The following NTSR1 variants were observed in gnomAD, a reference collection of about 807,000 sequenced individuals.
NTSR1 encodes neurotensin receptor type 1.
A neutral mutation model predicts 31.2 loss-of-function variants in NTSR1; 29 were observed. The observed-to-expected ratio is 0.93, with a 90% confidence interval of 0.69 to 1.27. The LOEUF is 1.27. Among genes scored for constraint, NTSR1 ranks in the 50% most tolerant of loss-of-function variants. The pLI is 0.00. For synonymous variants in NTSR1, 282 were observed against 269.9 expected, an observed-to-expected ratio of 1.04 and a Z score of -0.44; for missense variants, 697 against 595.4, an observed-to-expected ratio of 1.17 and a Z score of -1.78.
intron 1 of NTSR1, among the ~76,000 whole-genome samples, chr20:62,747,982 C>G (rs944773906): frequency 6.6e-6 from 1 of 152,138 alleles, no homozygotes; most frequent in African/African-American, 2.4e-5. Context: ...TTGAAACCAG[C>G]CTGGCCAACA....
chr20:62,709,300 G>A lies in NTSR1; in HGVS notation c.93G>A (p.Leu31=). ...RAQAGLEEAL[L]APGFGNASGN... ...AGGCCGGACTGGAGGAGGCGCTGCT[G>A]GCCCCGGGCTTCGGCAACGCTTCGG... Residue 31 remains leucine (L), a synonymous_variant, in exon 1 of 4, where the codon CTG becomes CTA. Coordinates refer to ENST00000370501, the MANE Select transcript of NTSR1 (RefSeq NM_002531.3). 7 of 1,599,424 alleles carry A rather than the reference G, an allele frequency of 4.4e-6. No homozygotes were observed. Among genetic ancestry groups the A allele is most frequent in the Non-Finnish European group, 6.0e-6 (7 of 1,175,760 alleles).
In NTSR1 at chr20:62,741,144, A is replaced by C. The variant is rs1195053057; in HGVS notation, c.715-13541A>C. 6.6e-6 allele frequency among the ~76,000 whole-genome samples: 1 copy of C among 152,092 alleles called. No homozygotes were observed. The highest frequency in any genetic ancestry group is 1.5e-5 in the Non-Finnish European group (1 of 68,004). On this transcript the variant is annotated intron_variant, in intron 1 of 3. Coordinates refer to ENST00000370501, the MANE Select transcript of NTSR1 (RefSeq NM_002531.3). This position sits in a 1 kb window ranked among gnomAD's most constrained non-coding sequence, Gnocchi z 4.3. ...TCAGGAAGGCTCTTTCCCTAATCTG[A>C]CTAAGGCCCTCTGGGCTAAGTCAGG...
chr20:62,718,347 G>C (rs527283326), intron 1 of NTSR1, among the ~76,000 whole-genome samples: 3 of 152,264 alleles, frequency 2.0e-5, no homozygotes, highest in African/African-American at 7.2e-5. Flanking sequence ...AGGCCAGGGT[G>C]GGGGTGGAGA....
At chr20:62,753,790 C>T (rs1042712014) in intron 1 of NTSR1, among the ~76,000 whole-genome samples, 9 of 152,376 alleles carry the variant, frequency 5.9e-5, no homozygotes, top group African/African-American at 1.2e-4. Flanking sequence ...CATGGCCGTC[C>T]TGGCTGGTTC....
At chr20:62,740,272 G>A (rs1989180997) in intron 1 of NTSR1, among the ~76,000 whole-genome samples, 1 of 152,250 alleles carries the variant, frequency 6.6e-6, no homozygotes, top group Non-Finnish European at 1.5e-5. Context: ...CTCATTCGCA[G>A]CCATAGGGTG....
Position 62,738,162 on chromosome 20 carries a change from G to C in NTSR1, c.715-16523G>C, listed in dbSNP as rs1043045852. Among the ~76,000 whole-genome samples, 56 of 112,378 alleles carry C rather than the reference G, an allele frequency of 5.0e-4. 1 individual carries two copies. The highest frequency in any genetic ancestry group is 2.8e-3 in the African/African-American group (56 of 20,344). The allele number at this position is 112,378 out of a possible 152,430, so 73.7% of individuals were successfully genotyped here. A position where few individuals can be genotyped will look rare whatever the true frequency, so the allele number is the denominator to read the frequency against. The stretch of plus-strand genomic sequence containing the variant: ...TCCACGAGGCGGGCCTGGGCACGCA[G>C]TGCACGCAGAGGGTGATGGAGGGTG... On this transcript the variant is annotated intron_variant, in intron 1 of 3. Coordinates refer to ENST00000370501, the MANE Select transcript of NTSR1 (RefSeq NM_002531.3).
At position 62,714,796 on chromosome 20, in the gene NTSR1, G is replaced by A. The variant is rs748057479; in HGVS notation, c.714+4875G>A. 5.9e-5 allele frequency among the ~76,000 whole-genome samples: 9 copies of A among 152,172 alleles called. No individual in the cohort carries two copies. Among genetic ancestry groups the A allele is most frequent in the Non-Finnish European group, 7.3e-5 (5 of 68,038 alleles). The stretch of plus-strand genomic sequence containing the variant: ...TGGCCTGGTTTCTTAGCAAAGACTC[G>A]GACAAGTCAACCTGTCGCAGAAAGC... On this transcript the variant is annotated intron_variant, in intron 1 of 3. Coordinates refer to ENST00000370501, the MANE Select transcript of NTSR1 (RefSeq NM_002531.3). This position sits in a 1 kb window ranked among gnomAD's most constrained non-coding sequence, Gnocchi z 4.1.
At chr20:62,730,878 C>A (rs1339835668) in intron 1 of NTSR1, among the ~76,000 whole-genome samples, 2 of 152,170 alleles carry the variant, frequency 1.3e-5, no homozygotes, top group Non-Finnish European at 2.9e-5. Flanking sequence ...ATTGCTACGT[C>A]TTCTTTGATG....
chr20:62,753,093 T>C (rs549165038), intron 1 of NTSR1, among the ~76,000 whole-genome samples: 1 of 152,222 alleles, frequency 6.6e-6, no homozygotes, highest in Non-Finnish European at 1.5e-5. Flanking sequence ...TCCTCTGATC[T>C]GTTAGCAGAA....
chr20:62,736,020 C>T lies in NTSR1; in HGVS notation c.715-18665C>T, dbSNP rs1185667114. 2.0e-5 allele frequency among the ~76,000 whole-genome samples: 3 copies of T among 152,220 alleles called. No homozygotes were observed. In the East Asian group the frequency reaches 5.8e-4, roughly 29 times the overall value. On this transcript the variant is annotated intron_variant, in intron 1 of 3. Coordinates refer to ENST00000370501, the MANE Select transcript of NTSR1 (RefSeq NM_002531.3). ...ACAAATTTCCGAGCCCAGTAATTCC[C>T]GTTTAAATTTGTCAATTTTCATCCC...
chr20:62,737,252 G>C (rs112925584), intron 1 of NTSR1, among the ~76,000 whole-genome samples: 2,900 of 152,082 alleles, frequency 0.019, 50 homozygotes, highest in East Asian at 0.054. Context: ...GCTCATGTAC[G>C]TACTGCTATG....
intron 3 of NTSR1, among the ~76,000 whole-genome samples, chr20:62,759,774 C>CA (rs11403481): frequency 0.72 from 94,429 of 131,094 alleles, 36,993 homozygotes; most frequent in Non-Finnish European, 0.87. Flanking sequence ...GACTCCGTCT[C>CA]AAAAAAAAAA....
rs921181064 is a variant in NTSR1, at chr20:62,732,210, T to C, written c.714+22289T>C. 6.6e-6 allele frequency among the ~76,000 whole-genome samples: 1 copy of C among 152,148 alleles called. No individual in the cohort carries two copies. The highest frequency in any genetic ancestry group is 2.4e-5 in the African/African-American group (1 of 41,426). On this transcript the variant is annotated intron_variant, in intron 1 of 3. Transcript: ENST00000370501. This position sits in a 1 kb window ranked among gnomAD's most constrained non-coding sequence, Gnocchi z 4.0. ...GTGTCCATCCTGTGAACTCACAGTATGACGTTAAATAGGAGTGAGGATAGG... is the reference window on the plus strand; with the variant it reads ...GTGTCCATCCTGTGAACTCACAGTACGACGTTAAATAGGAGTGAGGATAGG...
At chr20:62,746,864 C>T (rs1188333091) in intron 1 of NTSR1, among the ~76,000 whole-genome samples, 1 of 152,236 alleles carries the variant, frequency 6.6e-6, no homozygotes, top group Non-Finnish European at 1.5e-5. Flanking sequence ...AACACCAGTC[C>T]TTATACAATT....
rs186174478 is a variant in NTSR1 at position 62,731,917 on chromosome 20, G to A, written c.714+21996G>A. On this transcript the variant is annotated intron_variant, in intron 1 of 3. Coordinates refer to ENST00000370501, the MANE Select transcript of NTSR1 (RefSeq NM_002531.3). ...GTGGATCACTTGAGGTCAGGAGTTC[G>A]AGGCCAGTCTGGCCAATATAGTGAA... Among the ~76,000 whole-genome samples, 242 of 152,228 alleles carry A rather than the reference G, an allele frequency of 1.6e-3. 1 individual carries two copies. Among genetic ancestry groups the A allele is most frequent in the African/African-American group, 5.5e-3 (228 of 41,522 alleles).
chr20:62,724,510 T>C (rs1314399270), intron 1 of NTSR1, among the ~76,000 whole-genome samples: 1 of 152,206 alleles, frequency 6.6e-6, no homozygotes, highest in African/African-American at 2.4e-5. Context: ...ATCTAATGTA[T>C]TAAAAATAAC....
intron 1 of NTSR1, among the ~76,000 whole-genome samples, chr20:62,746,178 T>C (rs1989297906): frequency 6.6e-6 from 1 of 152,204 alleles, no homozygotes; most frequent in African/African-American, 2.4e-5. Context: ...TACCCCAGCC[T>C]GGCCGTCTGC....
Position 62,758,440 on chromosome 20 carries a change from G to T in NTSR1, c.1007+84G>T. 2.4e-6 allele frequency: 3 copies of T among 1,263,268 alleles called. No homozygotes were observed. Among genetic ancestry groups the T allele is most frequent in the South Asian group, 1.2e-5 (1 of 80,224 alleles). 78.3% of individuals were successfully genotyped at this position (1,263,268 alleles called of 1,614,324 possible). On this transcript the variant is annotated intron_variant, in intron 3 of 3. Coordinates refer to ENST00000370501, the MANE Select transcript of NTSR1 (RefSeq NM_002531.3). The surrounding 1 kb of genome is among the most constrained non-coding windows in gnomAD (Gnocchi z 4.5). ...GGTGGGTGTGGCAGGCACTGCTGAG[G>T]GGATCCACTCAGGGCAGGGGTGTGG...
At chr20:62,739,101 G>T (rs913644426) in intron 1 of NTSR1, among the ~76,000 whole-genome samples, 1 of 152,240 alleles carries the variant, frequency 6.6e-6, no homozygotes, top group African/African-American at 2.4e-5. Context: ...AGGGAGACGC[G>T]TGTGGAACCT....
Sources: allele counts gnomAD v4.1 joint callset (sites outside exome capture counted in the v4.1 genomes callset), GRCh38; gene constraint gnomAD v4.1.1; non-coding constraint Gnocchi (gnomAD v3.1); transcripts MANE v1.5; gene names NCBI Gene and HGNC (gene_info 2026-07-23, HGNC 2026-07-21).